TMEM255B: variants seen among roughly 807,000 people sequenced by gnomAD.
TMEM255B encodes the protein family with sequence similarity 70, member B.
TMEM255B carries 35 observed loss-of-function variants against 34.5 expected under a neutral mutation model. That is an observed-to-expected ratio of 1.01 (90% CI 0.77 to 1.34). The LOEUF is 1.34. Ranked by LOEUF, TMEM255B falls within the 40% of genes most tolerant of loss-of-function variation. The pLI, the probability that TMEM255B is intolerant of heterozygous loss-of-function variation, is 0.00. For synonymous variants in TMEM255B, 206 were observed against 201.2 expected (o/e 1.02, Z -0.20); for missense variants, 432 against 433.2 (o/e 1.00, Z 0.02).
At chr13:113,809,332 G>C (rs1270968196) in intron 8 of TMEM255B, among the ~76,000 whole-genome samples, 1 of 31,518 alleles carries the variant, frequency 3.2e-5, no homozygotes, top group African/African-American at 1.6e-4. Flanking sequence ...CATGGTTCCC[G>C]GGGGTTTAAC....
At chr13:113,805,614 G>A (rs1355315260) in intron 8 of TMEM255B, among the ~76,000 whole-genome samples, 14 of 152,220 alleles carry the variant, frequency 9.2e-5, no homozygotes, top group Admixed American at 9.2e-4. Flanking sequence ...AACAGACCGG[G>A]CCACGTTTCT....
Position 113,805,044 on chromosome 13 carries a change from C to T in TMEM255B, c.813+16C>T. 1 of 1,586,012 alleles carries T rather than the reference C, an allele frequency of 6.3e-7. No individual in the cohort carries two copies. ...GCCCCTTCAGGTAGGGCCAGCATCA[C>T]CTGCTGGAGTTGGACGCGCTGGTCA... is the stretch of plus-strand genomic sequence containing the variant. On this transcript the variant is annotated intron_variant, in intron 8 of 8. Transcript: ENST00000375353.
chr13:113,766,449 G>C (rs753316083), intron 2 of TMEM255B, 192 bp downstream of exon 2: 2 of 816,646 alleles, frequency 2.4e-6, no homozygotes, highest in African/African-American at 3.4e-5. Flanking sequence ...ACAGTGGCAG[G>C]TCCAAGGCAG....
rs368613950 is a variant in TMEM255B, at chr13:113,804,966, G to T, written c.751G>T (p.Ala251Ser). 5.0e-6 allele frequency: 8 copies of T among 1,606,414 alleles called. No individual in the cohort carries two copies. The highest frequency in any genetic ancestry group is 6.8e-6 in the Non-Finnish European group (8 of 1,179,770). ...YNPAQQILAYAGFRLTPEPVP... is the reference protein window; with the variant it reads ...YNPAQQILAYSGFRLTPEPVP... ...CCCCGCCCAGCAGATCCTGGCCTAC[G>T]CAGGCTTCCGCCTGACGCCCGAGCC... is the stretch of plus-strand genomic sequence containing the variant. The change falls in exon 8 of 9, where the codon GCA becomes TCA. Residue 251 changes from alanine (A) to serine (S), a missense_variant. Ala to Ser is a moderately conservative substitution (Grantham distance 99). Transcript: ENST00000375353.
chr13:113,786,545 A>G (rs1171422130), intron 3 of TMEM255B, among the ~76,000 whole-genome samples: 4 of 151,188 alleles, frequency 2.6e-5, no homozygotes, highest in African/African-American at 4.9e-5. Flanking sequence ...CACCATTGTC[A>G]CCATCGTCAA....
rs2051379647 is a variant in TMEM255B, at chr13:113,814,229, G to A, written c.*2326G>A. 1 of 152,250 alleles carries A rather than the reference G, an allele frequency of 6.6e-6. No individual in the cohort carries two copies. The highest frequency in any genetic ancestry group is 2.4e-5 in the African/African-American group (1 of 41,454). 9.4% of individuals were successfully genotyped at this position (152,250 alleles called of 1,614,324 possible). On this transcript the variant is annotated 3_prime_UTR_variant, in exon 9 of 9. Transcript: ENST00000375353. ...GAACAGCAGAGAAGCTGAACTGCAG[G>A]TCTGGGCAGGGAGTCTATGCCCCCT...
In TMEM255B at chr13:113,769,712, A is replaced by G. The variant is rs1030606254; in HGVS notation, c.252+552A>G. On this transcript the variant is annotated intron_variant, in intron 3 of 8. Coordinates refer to ENST00000375353, the MANE Select transcript of TMEM255B (RefSeq NM_182614.4). This position sits in a 1 kb window ranked among gnomAD's most constrained non-coding sequence, Gnocchi z 4.2. ...TGTTCGTGGCTGTATGCGCGGCAAC[A>G]GCGATCAGGTTCAGCTGGAAGTCTG... 1 of 156,524 alleles carries G rather than the reference A, an allele frequency of 6.4e-6. No homozygotes were observed. The highest frequency in any genetic ancestry group is 1.4e-5 in the Non-Finnish European group (1 of 70,460). The allele number at this position is 156,524 out of a possible 1,614,324, so 9.7% of individuals were successfully genotyped here.
At chr13:113,776,044 C>A (rs936623739) in intron 3 of TMEM255B, among the ~76,000 whole-genome samples, 2 of 152,186 alleles carry the variant, frequency 1.3e-5, no homozygotes, top group African/African-American at 4.8e-5. Context: ...TGGGACCTGC[C>A]CAGGACACCA....
At chr13:113,811,212 T>A (rs2051294303) in intron 8 of TMEM255B, among the ~76,000 whole-genome samples, 1 of 20,752 alleles carries the variant, frequency 4.8e-5, no homozygotes, top group Non-Finnish European at 9.1e-5. Flanking sequence ...GTCCTGGATC[T>A]GTGGGGGGGG....
At chr13:113,783,022 G>A (rs2050689053) in intron 3 of TMEM255B, among the ~76,000 whole-genome samples, 1 of 152,102 alleles carries the variant, frequency 6.6e-6, no homozygotes, top group South Asian at 2.1e-4. Flanking sequence ...CCACTGAGAT[G>A]TCTGGGGACC....
At chr13:113,764,386 C>T (rs774087480) in intron 1 of TMEM255B, among the ~76,000 whole-genome samples, 39 of 152,310 alleles carry the variant, frequency 2.6e-4, no homozygotes, top group Non-Finnish European at 4.3e-4. Flanking sequence ...AACCCCAGGG[C>T]GTGTTCCTGA....
In TMEM255B at chr13:113,772,254, T is replaced by C. The variant is rs564974849; in HGVS notation, c.252+3094T>C. On this transcript the variant is annotated intron_variant, in intron 3 of 8. Transcript: ENST00000375353. ...CTAGATACAAATCGCTTCTCAGATATGTGATTTGCAAATATTTCCTCACAT... is the reference window on the plus strand; with the variant it reads ...CTAGATACAAATCGCTTCTCAGATACGTGATTTGCAAATATTTCCTCACAT... Among the ~76,000 whole-genome samples, 10 of 152,376 alleles carry C rather than the reference T, an allele frequency of 6.6e-5. No homozygotes were observed. In the East Asian group the frequency reaches 1.2e-3, roughly 18 times the overall value.
rs974086875 is a variant in TMEM255B, at chr13:113,770,377, A to T, written c.252+1217A>T. ...TCCCTCCCACAACACATGAGGATCCAAGATGAGATTTGGGTGAGGACACAG... is the reference window on the plus strand; with the variant it reads ...TCCCTCCCACAACACATGAGGATCCTAGATGAGATTTGGGTGAGGACACAG... On this transcript the variant is annotated intron_variant, in intron 3 of 8. Transcript: ENST00000375353. The surrounding 1 kb of genome is among the most constrained non-coding windows in gnomAD (Gnocchi z 4.6). Among the ~76,000 whole-genome samples the T allele has an allele frequency of 1.1e-4, 16 of 152,172 alleles. No homozygotes were observed. Among genetic ancestry groups the T allele is most frequent in the African/African-American group, 3.9e-4 (16 of 41,430 alleles).
At position 113,807,887 on chromosome 13, in the gene TMEM255B, C is replaced by T. The variant is rs563423171; in HGVS notation, c.813+2859C>T. Among the ~76,000 whole-genome samples the T allele has an allele frequency of 3.3e-5, 5 of 152,216 alleles. 1 individual carries two copies. In the South Asian group the frequency reaches 1.0e-3, roughly 32 times the overall value. ...GACGTGGGGGGCACAGGGGCAGATC[C>T]ACTTCATCCCCATGGTGCTCCATCC... is the stretch of plus-strand genomic sequence containing the variant. On this transcript the variant is annotated intron_variant, in intron 8 of 8. Coordinates refer to ENST00000375353, the MANE Select transcript of TMEM255B (RefSeq NM_182614.4).
intron 3 of TMEM255B, among the ~76,000 whole-genome samples, chr13:113,778,796 A>G (rs1249874738): frequency 6.6e-6 from 1 of 152,184 alleles, no homozygotes. Flanking sequence ...GTTTTTGTTG[A>G]TCTTTTTCTA....
Position 113,811,934 on chromosome 13 carries a change from G to A in TMEM255B, c.*31G>A. On this transcript the variant is annotated 3_prime_UTR_variant, in exon 9 of 9. Coordinates refer to ENST00000375353, the MANE Select transcript of TMEM255B (RefSeq NM_182614.4). ...GCGTGGAGTAAAAGATAACTTGTTT[G>A]TTTTTTTTTTTAAAAAAAAGGCAGC... 3.7e-6 allele frequency: 5 copies of A among 1,364,478 alleles called. No homozygotes were observed. Among genetic ancestry groups the A allele is most frequent in the Non-Finnish European group, 4.0e-6 (4 of 1,008,794 alleles). 84.5% of individuals were successfully genotyped at this position (1,364,478 alleles called of 1,614,324 possible).
intron 1 of TMEM255B, among the ~76,000 whole-genome samples, chr13:113,765,368 C>A (rs1009796314): frequency 6.6e-6 from 1 of 152,226 alleles, no homozygotes; most frequent in African/African-American, 2.4e-5. Context: ...GATGGGATTG[C>A]AGAAGTGTAA....
chr13:113,804,955 T>G lies in TMEM255B; in HGVS notation c.740T>G (p.Ile247Ser), dbSNP rs765451303. The G allele has an allele frequency of 2.5e-6, 4 of 1,606,620 alleles. No homozygotes were observed. In the Admixed American group the frequency reaches 6.7e-5, roughly 27 times the overall value. Residue 247 changes from isoleucine (I) to serine (S), a missense_variant, in exon 8 of 9, where the codon ATC becomes AGC. Coordinates refer to ENST00000375353, the MANE Select transcript of TMEM255B (RefSeq NM_182614.4). ...PQTLYNPAQQ[I>S]LAYAGFRLTP... is the part of the protein sequence containing the mutation. ...ACCCTCTACAACCCCGCCCAGCAGATCCTGGCCTACGCAGGCTTCCGCCTG... is the reference window on the plus strand; with the variant it reads ...ACCCTCTACAACCCCGCCCAGCAGAGCCTGGCCTACGCAGGCTTCCGCCTG...
At chr13:113,782,300 A>G (rs997245899) in intron 3 of TMEM255B, among the ~76,000 whole-genome samples, 4 of 152,240 alleles carry the variant, frequency 2.6e-5, no homozygotes, top group Non-Finnish European at 4.4e-5. Flanking sequence ...CTTTCCTACA[A>G]TATATTTTTA....
Sources: gnomAD v4.1 joint callset for allele counts (sites outside exome capture counted in the v4.1 genomes callset) on GRCh38, gnomAD v4.1.1 for gene constraint, Gnocchi (gnomAD v3.1) non-coding constraint, MANE v1.5 for transcripts, NCBI Gene and HGNC (gene_info 2026-07-23, HGNC 2026-07-21) for gene names.